The following AGGF1 variants were observed in gnomAD, a reference collection of about 807,000 sequenced individuals.
The protein encoded by AGGF1 is angiogenic factor with G patch and FHA domains 1.
A neutral mutation model predicts 86.5 loss-of-function variants in AGGF1; 56 were observed. The ratio of observed to expected loss-of-function variants is 0.65; its 90% CI spans 0.52 to 0.81. AGGF1 has a LOEUF of 0.81. Ranked by LOEUF, AGGF1 falls within the 30% of genes least tolerant of loss-of-function variation. The pLI, the probability that AGGF1 is intolerant of heterozygous loss-of-function variation, is 0.00. For missense variants in AGGF1, 816 were observed against 850.9 expected (o/e 0.96, Z 0.51); for synonymous variants, 313 against 297.1 (o/e 1.05, Z -0.55).
At chr5:77,036,066 G>A (rs1213995441) in intron 3 of AGGF1, 1 of 289,986 alleles carries the variant, frequency 3.4e-6, no homozygotes, top group Non-Finnish European at 6.5e-6. Context: ...AAATTTTAAT[G>A]TTCCTTTATG....
chr5:77,030,734 T>A lies in AGGF1; in HGVS notation c.-33T>A. 6.5e-7 allele frequency: 1 copy of A among 1,548,054 alleles called. No individual in the cohort carries two copies. The highest frequency in any genetic ancestry group is 8.7e-7 in the Non-Finnish European group (1 of 1,153,524). On this transcript the variant is annotated 5_prime_UTR_variant, in exon 1 of 14. Coordinates refer to ENST00000312916, the MANE Select transcript of AGGF1 (RefSeq NM_018046.5). ...TCCGTTTCGGCCTGAACGCAGCCCC[T>A]CCGCGGCGACGAGCAGTCTCGCGCC...
chr5:77,041,584 AAAG>A (rs1327255078), intron 5 of AGGF1, among the ~76,000 whole-genome samples: 17 of 148,674 alleles, frequency 1.1e-4, no homozygotes, highest in East Asian at 1.9e-4. Flanking sequence ...AAAAAAAAAA[AAAG>A]AAGAAGGCTA....
intron 5 of AGGF1, among the ~76,000 whole-genome samples, chr5:77,041,377 G>T (rs979592112): frequency 3.3e-5 from 5 of 151,942 alleles, no homozygotes; most frequent in Admixed American, 1.3e-4. Context: ...GACCAGCCTG[G>T]CCAACATGGT....
chr5:77,045,559 T>G lies in AGGF1; in HGVS notation c.871-788T>G, dbSNP rs2150731273. Among the ~76,000 whole-genome samples the G allele has an allele frequency of 2.6e-5, 4 of 152,348 alleles. 1 individual carries two copies. The East Asian group carries it at 5.8e-4, about 22-fold the overall frequency. ...AAATTTTGGAATAAGATAGTCACAG[T>G]TAATTTGTACTTTAAACTTTTATGT... is the stretch of plus-strand genomic sequence containing the variant. On this transcript the variant is annotated intron_variant, in intron 5 of 13. Coordinates refer to ENST00000312916, the MANE Select transcript of AGGF1 (RefSeq NM_018046.5).
intron 5 of AGGF1, among the ~76,000 whole-genome samples, chr5:77,042,450 C>T (rs1292211584): frequency 3.0e-4 from 33 of 110,836 alleles, no homozygotes; most frequent in African/African-American, 8.5e-4. Flanking sequence ...GCTGACCCCC[C>T]CCACCTCCCT....
intron 5 of AGGF1, among the ~76,000 whole-genome samples, chr5:77,043,525 G>A (rs377250773): frequency 0.19 from 13,809 of 71,692 alleles, 121 homozygotes; most frequent in East Asian, 0.24. Context: ...GCGGCTGGCC[G>A]GGCGGGGGGC....
chr5:77,056,578 CA>C (rs1206455966), intron 11 of AGGF1, among the ~76,000 whole-genome samples: 2,268 of 126,462 alleles, frequency 0.018, 26 homozygotes, highest in Middle Eastern at 0.061. Flanking sequence ...ATGGCCTTAC[CA>C]AAAAAAAAAA....
Position 77,046,394 on chromosome 5 carries a change from C to G in AGGF1, c.918C>G (p.Ser306Arg). ...AAGCCTTCAGTGTTGAACATACAAG[C>G]TGCAATGAGGAAGAAAATTTCGCAA... ...DQKAFSVEHT[S>R]CNEEENFANM... Residue 306 changes from serine (S) to arginine (R), a missense_variant, in exon 6 of 14, where the codon AGC becomes AGG. Ser to Arg is a moderately radical substitution (Grantham distance 110). Around this residue, in one of 3 missense-constraint regions of AGGF1, gnomAD observed 565 missense variants for 585.8 expected, o/e 0.96. Transcript: ENST00000312916. 6.2e-7 allele frequency: 1 copy of G among 1,613,868 alleles called. No homozygotes were observed. Among genetic ancestry groups the G allele is most frequent in the South Asian group, 1.1e-5 (1 of 91,072 alleles).
chr5:77,043,622 G>C (rs1389424584), intron 5 of AGGF1, among the ~76,000 whole-genome samples: 1 of 133,526 alleles, frequency 7.5e-6, no homozygotes, highest in African/African-American at 2.8e-5. Flanking sequence ...CTGGCCGGGC[G>C]GGGGGGCTGA....
intron 1 of AGGF1, among the ~76,000 whole-genome samples, chr5:77,031,965 C>G (rs1265072447): frequency 6.6e-6 from 1 of 152,112 alleles, no homozygotes; most frequent in African/African-American, 2.4e-5. Flanking sequence ...CAGGCCCTCT[C>G]TGCCAACAGA....
In AGGF1 at chr5:77,036,569, C is replaced by G; in HGVS notation, c.530C>G (p.Ala177Gly). 1.9e-6 allele frequency: 3 copies of G among 1,614,044 alleles called. No individual in the cohort carries two copies. The highest frequency in any genetic ancestry group is 2.5e-6 in the Non-Finnish European group (3 of 1,179,952). Residue 177 changes from alanine to glycine, a missense_variant, in exon 4 of 14, where the codon GCA (alanine) becomes GGA (glycine). By Grantham distance (60) the Ala-to-Gly change is moderately conservative (BLOSUM62 0). This residue lies in a region of AGGF1 where 240 missense variants were observed against 234.4 expected (regional missense o/e 1.02). Coordinates refer to ENST00000312916, the MANE Select transcript of AGGF1 (RefSeq NM_018046.5). The part of the protein sequence containing the change: ...FASNSQEPAS[A>G]LATEDTSLEG... ...TATCTTTTATAGGAGCCAGCATCTGCATTAGCAACAGAAGATACCTCCTTA... is the reference window on the plus strand; with the variant it reads ...TATCTTTTATAGGAGCCAGCATCTGGATTAGCAACAGAAGATACCTCCTTA...
Position 77,059,881 on chromosome 5 carries a change from G to A in AGGF1, c.1844+138G>A, listed in dbSNP as rs371800436. 153 of 1,158,682 alleles carry A rather than the reference G, an allele frequency of 1.3e-4. 1 individual carries two copies. The highest frequency in any genetic ancestry group is 8.8e-4 in the South Asian group (67 of 76,168). The allele number at this position is 1,158,682 out of a possible 1,614,324, so 71.8% of individuals were successfully genotyped here. A position where few individuals can be genotyped will look rare whatever the true frequency, so the allele number is the denominator to read the frequency against. On this transcript the variant is annotated intron_variant, in intron 12 of 13. Transcript: ENST00000312916. Reference sequence around the variant, plus strand: ...TTATGAGATGGAGTCTTGCTCCGTCGCCCAGGCTGGAGTGCAGTGGTGTGG... The same window carrying A: ...TTATGAGATGGAGTCTTGCTCCGTCACCCAGGCTGGAGTGCAGTGGTGTGG...
chr5:77,046,204 G>A, intron 5 of AGGF1, 143 bp from the exon 6 acceptor site: 2 of 786,046 alleles, frequency 2.5e-6, no homozygotes, highest in Admixed American at 1.8e-5. Flanking sequence ...AATGTGAGAA[G>A]GAGAGGGGGA....
intron 8 of AGGF1, among the ~76,000 whole-genome samples, chr5:77,049,548 CT>C (rs759329284): frequency 0.25 from 32,886 of 130,540 alleles, 3,736 homozygotes; most frequent in Middle Eastern, 0.31. Context: ...TATATTTTTA[CT>C]TTTTTTTTTT....
chr5:77,048,266 T>C lies in AGGF1; in HGVS notation c.1307T>C (p.Ile436Thr), dbSNP rs1297494044. Residue 436 changes from isoleucine (I) to threonine (T), a missense_variant, in exon 7 of 14, where the codon ATT becomes ACT. Transcript: ENST00000312916. ...ATTACTGCTGTAAACCCTGCTACAA[T>C]TGGAAGGTAAAATGGTTAATATTAT... ...FIITAVNPATIGREKDMEHTL... is the reference protein window; with the variant it reads ...FIITAVNPATTGREKDMEHTL... The C allele has an allele frequency of 6.3e-7, 1 of 1,597,372 alleles. No individual in the cohort carries two copies. Among genetic ancestry groups the C allele is most frequent in the East Asian group, 2.2e-5 (1 of 44,752 alleles).
intron 12 of AGGF1, among the ~76,000 whole-genome samples, chr5:77,060,994 C>A (rs556481256): frequency 4.4e-4 from 67 of 152,202 alleles, no homozygotes; most frequent in Admixed American, 5.2e-4. Context: ...ACATAAAATA[C>A]TCTTAAATTA....
intron 6 of AGGF1, 47 bp downstream of exon 6, chr5:77,046,724 A>G (rs905992200): frequency 6.5e-7 from 1 of 1,534,714 alleles, no homozygotes; most frequent in Non-Finnish European, 9.0e-7. Flanking sequence ...TCTGGTAACT[A>G]TAAAAGAGCA....
chr5:77,059,983 A>G lies in AGGF1; in HGVS notation c.1844+240A>G, dbSNP rs1378803387. The stretch of plus-strand genomic sequence containing the variant: ...CAGCCTCCTGAGTAGCTGGGATTAC[A>G]GATGCGTGCCATCACGCCCAGCTAA... On this transcript the variant is annotated intron_variant, in intron 12 of 13. Transcript: ENST00000312916. Among the ~76,000 whole-genome samples the G allele has an allele frequency of 2.6e-5, 4 of 152,320 alleles. No individual in the cohort carries two copies. The South Asian group carries it at 8.3e-4, about 32-fold the overall frequency.
intron 5 of AGGF1, 60 bp downstream of exon 5, chr5:77,039,779 A>C: frequency 6.9e-7 from 1 of 1,446,620 alleles, no homozygotes. Flanking sequence ...ATTAAGACAA[A>C]ATTTTTTATG....
Sources: allele counts gnomAD v4.1 joint callset (sites outside exome capture counted in the v4.1 genomes callset), GRCh38; gene constraint gnomAD v4.1.1; regional missense constraint gnomAD v4.1.1; transcripts MANE v1.5; gene names NCBI Gene and HGNC (gene_info 2026-07-23, HGNC 2026-07-21).